NEURL1B: variants seen among roughly 807,000 people sequenced by gnomAD.
The protein encoded by NEURL1B is E3 ubiquitin-protein ligase NEURL1B.
NEURL1B carries 13 observed loss-of-function variants against 37.4 expected under a neutral mutation model. That is an observed-to-expected ratio of 0.35 (90% CI 0.23 to 0.55). The LOEUF (loss-of-function observed/expected upper bound fraction) is 0.55, where lower values mean the gene tolerates loss of function less well. Among genes scored for constraint, NEURL1B ranks in the 20% least tolerant of loss-of-function variants. The probability of loss-of-function intolerance (pLI) is 0.89; values close to 1 mark genes in which losing one functional copy is unlikely to be tolerated. For synonymous variants in NEURL1B, 432 were observed against 426.6 expected, an observed-to-expected ratio of 1.01 and a Z score of -0.16; for missense variants, 790 against 879.2, an observed-to-expected ratio of 0.90 and a Z score of 1.28.
At chr5:172,644,509 G>A (rs565180281) in intron 1 of NEURL1B, among the ~76,000 whole-genome samples, 3 of 152,330 alleles carry the variant, frequency 2.0e-5, no homozygotes, top group East Asian at 3.9e-4. Context: ...GTTTATGATC[G>A]ATTGCGGAAG....
chr5:172,663,071 G>A (rs992802251), intron 1 of NEURL1B, among the ~76,000 whole-genome samples: 7 of 94,848 alleles, frequency 7.4e-5, no homozygotes, highest in Non-Finnish European at 1.0e-4. Flanking sequence ...AATAATAGCC[G>A]GGTGTGGTGG....
rs148725979 is a variant in NEURL1B at position 172,656,821 on chromosome 5, C to T, written c.32-12964C>T. 293 of 633,232 alleles carry T rather than the reference C, an allele frequency of 4.6e-4. 1 individual carries two copies. The African/African-American group carries it at 4.9e-3, about 11-fold the overall frequency. 39.2% of individuals were successfully genotyped at this position (633,232 alleles called of 1,614,324 possible). A position where few individuals can be genotyped will look rare whatever the true frequency, so the allele number is the denominator to read the frequency against. On this transcript the variant is annotated intron_variant, in intron 1 of 4. Coordinates refer to ENST00000369800, the MANE Select transcript of NEURL1B (RefSeq NM_001142651.3). The stretch of plus-strand genomic sequence containing the variant: ...AAATAAATTTAAAACTCCTAACAAC[C>T]GCCATGTCCTCATCTTTAGGATGGG...
At chr5:172,645,616 C>T (rs1383449121) in intron 1 of NEURL1B, among the ~76,000 whole-genome samples, 1 of 152,194 alleles carries the variant, frequency 6.6e-6, no homozygotes, top group Non-Finnish European at 1.5e-5. Flanking sequence ...CCTCTCCTCC[C>T]CCTTCCCCAG....
In NEURL1B at chr5:172,677,564, G is replaced by A. The variant is rs556110856; in HGVS notation, c.578-5855G>A. Among the ~76,000 whole-genome samples the A allele has an allele frequency of 2.6e-5, 4 of 152,332 alleles. No homozygotes were observed. In the East Asian group the frequency reaches 7.7e-4, roughly 29 times the overall value. On this transcript the variant is annotated intron_variant, in intron 2 of 4. Transcript: ENST00000369800. ...CAGAAGGGCATCTGGAAAAGCACGAGGTCAGTGGCGCACAGACCCAGGTCA... is the reference window on the plus strand; with the variant it reads ...CAGAAGGGCATCTGGAAAAGCACGAAGTCAGTGGCGCACAGACCCAGGTCA...
At chr5:172,646,171 C>T (rs552315733) in intron 1 of NEURL1B, among the ~76,000 whole-genome samples, 6 of 152,308 alleles carry the variant, frequency 3.9e-5, no homozygotes, top group African/African-American at 1.2e-4. Context: ...GTGTTAGACT[C>T]AGATCTTAGA....
At chr5:172,654,810 A>C (rs988728399) in intron 1 of NEURL1B, among the ~76,000 whole-genome samples, 1 of 152,210 alleles carries the variant, frequency 6.6e-6, no homozygotes, top group African/African-American at 2.4e-5. Flanking sequence ...ACTGACAACA[A>C]AGTGGTATTG....
chr5:172,686,025 C>T lies in NEURL1B; in HGVS notation c.1298-146C>T, dbSNP rs1758487703. 2 of 900,772 alleles carry T rather than the reference C, an allele frequency of 2.2e-6. No homozygotes were observed. The highest frequency in any genetic ancestry group is 3.3e-6 in the Non-Finnish European group (2 of 609,976). 55.8% of individuals were successfully genotyped at this position (900,772 alleles called of 1,614,324 possible). On this transcript the variant is annotated intron_variant, in intron 3 of 4. Transcript: ENST00000369800. The surrounding 1 kb of genome is among the most constrained non-coding windows in gnomAD (Gnocchi z 7.9). Reference sequence around the variant, plus strand: ...AACAGAGGCACCACACTGGGATGCACTCTTCACTCCTCAGCAGAACCCTGG... The same window carrying T: ...AACAGAGGCACCACACTGGGATGCATTCTTCACTCCTCAGCAGAACCCTGG...
chr5:172,670,057 AC>A lies in NEURL1B; in HGVS notation c.306del (p.Ala103ArgfsTer7). On this transcript the variant is annotated frameshift_variant, in exon 2 of 5. Transcript: ENST00000369800. LOFTEE classifies it high-confidence loss of function. ...GAGCGGCGCGCTGCGCTTCGGCTTC[AC>A]CGCGCACGATCCGTCGCTCATGAGC... is the stretch of plus-strand genomic sequence containing the variant. ...GWSGALRFGF[T>X]AHDPSLMSAQ... 6.6e-7 allele frequency: 1 copy of A among 1,519,810 alleles called. No homozygotes were observed. The highest frequency in any genetic ancestry group is 8.8e-7 in the Non-Finnish European group (1 of 1,139,756). 94.1% of individuals were successfully genotyped at this position (1,519,810 alleles called of 1,614,324 possible). A position where few individuals can be genotyped will look rare whatever the true frequency, so the allele number is the denominator to read the frequency against.
rs114206986 is a variant in NEURL1B at position 172,682,837 on chromosome 5, C to G, written c.578-582C>G. On this transcript the variant is annotated intron_variant, in intron 2 of 4. Transcript: ENST00000369800. ...CTTTGCCACTTAGTAGCCATGTGCC[C>G]TTGGTCATGTTCCCCAACCCCTCTG... is the stretch of plus-strand genomic sequence containing the variant. Among the ~76,000 whole-genome samples, 1,169 of 152,266 alleles carry G rather than the reference C, an allele frequency of 7.7e-3. 17 individuals are homozygous for G. The highest frequency in any genetic ancestry group is 0.01 in the Non-Finnish European group (711 of 68,024).
intron 1 of NEURL1B, among the ~76,000 whole-genome samples, chr5:172,663,070 CG>C (rs959728741): frequency 1.1e-4 from 10 of 94,330 alleles, no homozygotes; most frequent in African/African-American, 4.5e-4. Context: ...TAATAATAGC[CG>C]GGTGTGGTGG....
intron 2 of NEURL1B, among the ~76,000 whole-genome samples, chr5:172,674,930 C>G (rs1429096318): frequency 6.6e-6 from 1 of 152,144 alleles, no homozygotes; most frequent in African/African-American, 2.4e-5. Flanking sequence ...AGAGCTGTGG[C>G]GCAATCTTGG....
At chr5:172,664,903 T>G (rs1202485636) in intron 1 of NEURL1B, among the ~76,000 whole-genome samples, 1 of 152,214 alleles carries the variant, frequency 6.6e-6, no homozygotes, top group South Asian at 2.1e-4. Context: ...TAAACAAATA[T>G]GTAAACTTCG....
chr5:172,659,337 C>T (rs1757853242), intron 1 of NEURL1B, among the ~76,000 whole-genome samples: 1 of 152,126 alleles, frequency 6.6e-6, no homozygotes, highest in African/African-American at 2.4e-5. Context: ...TTGGGAGCAG[C>T]CAGGCTTCTG....
chr5:172,684,424 T>C (rs1338979524), intron 3 of NEURL1B, among the ~76,000 whole-genome samples: 1 of 152,062 alleles, frequency 6.6e-6, no homozygotes, highest in Non-Finnish European at 1.5e-5. Context: ...GACCACATTT[T>C]GTAAACCACC....
At chr5:172,652,829 G>A (rs1757693178) in intron 1 of NEURL1B, among the ~76,000 whole-genome samples, 4 of 152,230 alleles carry the variant, frequency 2.6e-5, no homozygotes, top group Admixed American at 1.3e-4. Context: ...TAACTAGATG[G>A]TCAGCAATAG....
chr5:172,681,342 G>C (rs962095421), intron 2 of NEURL1B, among the ~76,000 whole-genome samples: 7 of 152,142 alleles, frequency 4.6e-5, no homozygotes, highest in Non-Finnish European at 1.0e-4. Context: ...TTAATATTTT[G>C]TCTCTCCATC....
intron 2 of NEURL1B, 53 bp downstream of exon 2, chr5:172,670,383 G>T: frequency 1.5e-6 from 2 of 1,291,028 alleles, no homozygotes; most frequent in Non-Finnish European, 2.0e-6. Flanking sequence ...GCCTTTGCGC[G>T]TGGGTGTGTG....
Position 172,686,862 on chromosome 5 carries a change from C to G in NEURL1B, c.1605C>G (p.Ala535=). 1 of 1,550,662 alleles carries G rather than the reference C, an allele frequency of 6.4e-7. No homozygotes were observed. Among genetic ancestry groups the G allele is most frequent in the Non-Finnish European group, 8.7e-7 (1 of 1,146,798 alleles). The change falls in exon 5 of 5, where the codon GCC becomes GCG. Residue 535 remains alanine, a synonymous_variant. Coordinates refer to ENST00000369800, the MANE Select transcript of NEURL1B (RefSeq NM_001142651.3). This position sits in a 1 kb window ranked among gnomAD's most constrained non-coding sequence, Gnocchi z 7.9. Reference sequence around the variant, plus strand: ...GCGGCCTGCGGCTCAAGCGACAGGCCCGGGCCTGCTGCCCCATCTGCCGGC... The same window carrying G: ...GCGGCCTGCGGCTCAAGCGACAGGCGCGGGCCTGCTGCCCCATCTGCCGGC... ...HSCGLRLKRQ[A]RACCPICRRP... is the part of the protein sequence containing the mutation.
At chr5:172,682,122 G>A (rs898543551) in intron 2 of NEURL1B, among the ~76,000 whole-genome samples, 18 of 152,172 alleles carry the variant, frequency 1.2e-4, no homozygotes, top group Non-Finnish European at 1.5e-5. Context: ...TTCCAGCTAG[G>A]GAGGCAGAAA....
Sources: allele counts gnomAD v4.1 joint callset (sites outside exome capture counted in the v4.1 genomes callset), GRCh38; gene constraint gnomAD v4.1.1; non-coding constraint Gnocchi (gnomAD v3.1); transcripts MANE v1.5; gene names NCBI Gene and HGNC (gene_info 2026-07-23, HGNC 2026-07-21).